Variants in CHD1 observed in about 807,000 individuals in gnomAD.
The protein encoded by CHD1 is ATP-dependent chromatin remodeler CHD1.
CHD1 carries 36 observed loss-of-function variants against 224.2 expected under a neutral mutation model. The ratio of observed to expected loss-of-function variants is 0.16; its 90% CI spans 0.12 to 0.21. The LOEUF (loss-of-function observed/expected upper bound fraction) is 0.21, where lower values mean the gene tolerates loss of function less well. Ranked by LOEUF, CHD1 falls within the 10% of genes least tolerant of loss-of-function variation. The pLI, the probability that CHD1 is intolerant of heterozygous loss-of-function variation, is 1.00. For missense variants in CHD1, 1,378 were observed against 1,994.8 expected (o/e 0.69, Z 5.89); for synonymous variants, 668 against 658.3 (o/e 1.01, Z -0.23).
chr5:98,895,666 T>C (rs1404783246), intron 12 of CHD1, among the ~76,000 whole-genome samples: 2 of 150,430 alleles, frequency 1.3e-5, no homozygotes, highest in Non-Finnish European at 3.0e-5. Flanking sequence ...GGCAGAAGAA[T>C]CACTTGAACC....
chr5:98,922,147 C>T (rs1753138991), intron 2 of CHD1, among the ~76,000 whole-genome samples: 1 of 151,912 alleles, frequency 6.6e-6, no homozygotes, highest in African/African-American at 2.4e-5. Flanking sequence ...GAGACTCCAT[C>T]TCAATTAAAA....
intron 15 of CHD1, among the ~76,000 whole-genome samples, chr5:98,890,159 C>T (rs1750921130): frequency 6.6e-6 from 1 of 152,162 alleles, no homozygotes; most frequent in South Asian, 2.1e-4. Flanking sequence ...CCTCCAGTAT[C>T]TAAAATAAAA....
intron 2 of CHD1, among the ~76,000 whole-genome samples, chr5:98,926,012 A>G (rs1231309387): frequency 6.6e-6 from 1 of 152,080 alleles, no homozygotes; most frequent in Non-Finnish European, 1.5e-5. Context: ...AAATTTCACT[A>G]ACAGTCAAAA....
chr5:98,908,127 T>C (rs1752166487), intron 2 of CHD1, among the ~76,000 whole-genome samples: 1 of 152,192 alleles, frequency 6.6e-6, no homozygotes, highest in Non-Finnish European at 1.5e-5. Flanking sequence ...TCTCTAATTC[T>C]CCAATCTATT....
In CHD1 at chr5:98,872,044, TA is replaced by T. The variant is rs774184411; in HGVS notation, c.3861+6del. 5.0e-6 allele frequency: 8 copies of T among 1,601,390 alleles called. No individual in the cohort carries two copies. The Admixed American group carries it at 1.4e-4, about 28-fold the overall frequency. On this transcript the variant is annotated splice_donor_region_variant and intron_variant, in intron 28 of 35. Transcript: ENST00000614616. ...AATGGTTAACAGAATCAGAAATAGA[TA>T]AATACCTTGTGTGTTAGACTGAGGT...
At chr5:98,876,337 T>C (rs1448665973) in intron 24 of CHD1, 61 bp downstream of exon 24, 14 of 1,511,366 alleles carry the variant, frequency 9.3e-6, no homozygotes, top group Non-Finnish European at 2.7e-6. Context: ...ACGGCGTTTT[T>C]ACATTTTAGT....
chr5:98,888,378 AATT>A, intron 16 of CHD1, 138 bp from the exon 17 acceptor site: 1 of 677,922 alleles, frequency 1.5e-6, no homozygotes, highest in Non-Finnish European at 2.3e-6. Flanking sequence ...CACTTTTCAA[AATT>A]TTCTAAGACC....
chr5:98,872,484 T>C lies in CHD1; in HGVS notation c.3643A>G (p.Ile1215Val), dbSNP rs368823885. Residue 1215 changes from isoleucine to valine, a missense_variant, in exon 27 of 36, where the codon ATC becomes GTC. Physicochemically the swap from Ile to Val is conservative, Grantham distance 29. Coordinates refer to ENST00000614616, the MANE Select transcript of CHD1 (RefSeq NM_001270.4). ...GGTATTAATTCTTCTTCATGGGAGATGACTAGTTTGGCATTCACCTGTACT... is the reference window on the plus strand; with the variant it reads ...GGTATTAATTCTTCTTCATGGGAGACGACTAGTTTGGCATTCACCTGTACT... Reference protein sequence around the residue: ...SGVQVNAKLVISHEEELIPLH... With the variant: ...SGVQVNAKLVVSHEEELIPLH... The C allele has an allele frequency of 6.2e-7, 1 of 1,613,468 alleles. No individual in the cohort carries two copies. Among genetic ancestry groups the C allele is most frequent in the East Asian group, 2.2e-5 (1 of 44,832 alleles).
At chr5:98,918,324 T>C (rs981825020) in intron 2 of CHD1, among the ~76,000 whole-genome samples, 2 of 151,480 alleles carry the variant, frequency 1.3e-5, no homozygotes, top group Non-Finnish European at 2.9e-5. Flanking sequence ...CTCCCAAAAG[T>C]GCTGGGATTA....
intron 23 of CHD1, among the ~76,000 whole-genome samples, chr5:98,878,907 C>T (rs1749965111): frequency 6.6e-6 from 1 of 152,178 alleles, no homozygotes. Flanking sequence ...AGAGAGATTA[C>T]ATTTCTATAT....
intron 1 of CHD1, among the ~76,000 whole-genome samples, chr5:98,927,051 T>C (rs1308290379): frequency 6.6e-6 from 1 of 151,502 alleles, no homozygotes; most frequent in East Asian, 1.9e-4. Context: ...TACCATATAC[T>C]CTCAACAAAA....
At chr5:98,867,893 T>C (rs1350678845) in intron 31 of CHD1, among the ~76,000 whole-genome samples, 1 of 150,224 alleles carries the variant, frequency 6.7e-6, no homozygotes, top group East Asian at 2.0e-4. Context: ...ACCTCAGCCT[T>C]CCAGGTTCCA....
chr5:98,868,990 C>T (rs945596344), intron 30 of CHD1: 2 of 801,306 alleles, frequency 2.5e-6, no homozygotes, highest in African/African-American at 2.1e-5. Flanking sequence ...TTACTTTCTA[C>T]ATTTTTTATT....
intron 2 of CHD1, among the ~76,000 whole-genome samples, chr5:98,920,694 G>T (rs1250028913): frequency 6.6e-6 from 1 of 152,072 alleles, no homozygotes; most frequent in Admixed American, 6.6e-5. Flanking sequence ...TCACTCGGGA[G>T]GCTGTGGCAG....
rs1301341710 is a variant in CHD1 at position 98,855,388 on chromosome 5, T to G, written c.*992A>C. Reference sequence around the variant, plus strand: ...CGGATTTACAATAACTTTTGGCCGTTTTGGATTCTGAAAAGTGTTTATACA... The same window carrying G: ...CGGATTTACAATAACTTTTGGCCGTGTTGGATTCTGAAAAGTGTTTATACA... On this transcript the variant is annotated 3_prime_UTR_variant, in exon 36 of 36. Transcript: ENST00000614616. 6.6e-6 allele frequency: 1 copy of G among 152,558 alleles called. No homozygotes were observed. The highest frequency in any genetic ancestry group is 2.4e-5 in the African/African-American group (1 of 41,444). 9.5% of individuals were successfully genotyped at this position (152,558 alleles called of 1,614,324 possible). A position where few individuals can be genotyped will look rare whatever the true frequency, so the allele number is the denominator to read the frequency against.
chr5:98,856,351 A>G lies in CHD1; in HGVS notation c.*29T>C. The G allele has an allele frequency of 5.2e-6, 8 of 1,548,280 alleles. No homozygotes were observed. The highest frequency in any genetic ancestry group is 7.1e-6 in the Non-Finnish European group (8 of 1,125,124). On this transcript the variant is annotated 3_prime_UTR_variant, in exon 36 of 36. Coordinates refer to ENST00000614616, the MANE Select transcript of CHD1 (RefSeq NM_001270.4). Reference sequence around the variant, plus strand: ...GTTTATGATATATGGCTAAAAGAAAAGTCCAGAAAGACGAAGTATCAGTTT... The same window carrying G: ...GTTTATGATATATGGCTAAAAGAAAGGTCCAGAAAGACGAAGTATCAGTTT...
Position 98,905,079 on chromosome 5 carries a change from C to T in CHD1, c.73G>A (p.Gly25Arg). The change falls in exon 3 of 36, where the codon GGG becomes AGG. Residue 25 changes from glycine to arginine, a missense_variant. Physicochemically the swap from Gly to Arg is moderately radical, Grantham distance 125. This residue lies in a region of CHD1 where 306 missense variants were observed against 298.1 expected (regional missense o/e 1.03). Coordinates refer to ENST00000614616, the MANE Select transcript of CHD1 (RefSeq NM_001270.4). ...CCAGATCCAGAGCCTGAAGCTGACC[C>T]AGAATCATCATCCGACTGGCTATAA... ...GESSQSDDDSGSASGSGSGSS... is the reference protein window; with the variant it reads ...GESSQSDDDSRSASGSGSGSS... The T allele has an allele frequency of 6.2e-7, 1 of 1,610,426 alleles. No individual in the cohort carries two copies.
chr5:98,883,020 A>T, intron 19 of CHD1, 68 bp downstream of exon 19: 9 of 967,118 alleles, frequency 9.3e-6, no homozygotes, highest in Non-Finnish European at 1.3e-5. Context: ...GGATAAACTG[A>T]AATCACTTCC....
Position 98,921,028 on chromosome 5 carries a change from G to A in CHD1, c.53+5306C>T, listed in dbSNP as rs111897072. 4.4e-3 allele frequency among the ~76,000 whole-genome samples: 669 copies of A among 152,170 alleles called. 3 individuals carry two copies. Among genetic ancestry groups the A allele is most frequent in the Middle Eastern group, 6.8e-3 (2 of 294 alleles). On this transcript the variant is annotated intron_variant, in intron 2 of 35. Coordinates refer to ENST00000614616, the MANE Select transcript of CHD1 (RefSeq NM_001270.4). Reference sequence around the variant, plus strand: ...AAAATCAATGAAATCCAAGTATAGAGTTTAGGTAATAGTTTTTTAAAAAAG... The same window carrying A: ...AAAATCAATGAAATCCAAGTATAGAATTTAGGTAATAGTTTTTTAAAAAAG...
Sources: allele counts gnomAD v4.1 joint callset (sites outside exome capture counted in the v4.1 genomes callset), GRCh38; gene constraint gnomAD v4.1.1; regional missense constraint gnomAD v4.1.1; transcripts MANE v1.5; gene names NCBI Gene and HGNC (gene_info 2026-07-23, HGNC 2026-07-21).